APBB2: variants seen among roughly 807,000 people sequenced by gnomAD.
The protein encoded by APBB2 is Fe65-like 1.
APBB2 carries 38 observed loss-of-function variants against 82.5 expected under a neutral mutation model. The ratio of observed to expected loss-of-function variants is 0.46; its 90% CI spans 0.36 to 0.60. The LOEUF is 0.60. Among genes scored for constraint, APBB2 ranks in the 20% least tolerant of loss-of-function variants. The pLI, the probability that APBB2 is intolerant of heterozygous loss-of-function variation, is 0.00. For missense variants in APBB2, 772 were observed against 972.3 expected, an observed-to-expected ratio of 0.79 and a Z score of 2.74; for synonymous variants, 341 against 368.2, an observed-to-expected ratio of 0.93 and a Z score of 0.85.
At chr4:40,883,916 CA>C (rs1391935418) in intron 12 of APBB2, among the ~76,000 whole-genome samples, 14 of 152,144 alleles carry the variant, frequency 9.2e-5, no homozygotes, top group Non-Finnish European at 1.5e-5. Context: ...CTCATGGACC[CA>C]CAAAAACGAG....
intron 10 of APBB2, among the ~76,000 whole-genome samples, chr4:40,893,897 C>G (rs530091303): frequency 6.6e-6 from 1 of 152,016 alleles, no homozygotes; most frequent in Admixed American, 6.6e-5. Context: ...TCGCTTGAAC[C>G]CAGGAGGCGG....
chr4:40,896,210 G>A (rs959551716), intron 10 of APBB2, among the ~76,000 whole-genome samples: 6 of 152,114 alleles, frequency 3.9e-5, no homozygotes, highest in Admixed American at 1.3e-4. Context: ...GATTACAGGT[G>A]TACACCACCG....
chr4:41,200,566 G>A (rs7678120), intron 1 of APBB2, among the ~76,000 whole-genome samples: 29,700 of 152,092 alleles, frequency 0.2, 3,893 homozygotes, highest in African/African-American at 0.37. Flanking sequence ...TATCCTCCGT[G>A]ATTATCCTGA....
At chr4:40,913,508 C>T (rs187154374) in intron 10 of APBB2, among the ~76,000 whole-genome samples, 83 of 152,264 alleles carry the variant, frequency 5.5e-4, no homozygotes, top group African/African-American at 1.9e-3. Flanking sequence ...CACTCCATCC[C>T]CATCATGTGC....
chr4:41,164,155 G>A (rs1765885544), intron 1 of APBB2, among the ~76,000 whole-genome samples: 1 of 152,118 alleles, frequency 6.6e-6, no homozygotes, highest in Non-Finnish European at 1.5e-5. Flanking sequence ...TAGCCTAAAG[G>A]AAATTTTACA....
At chr4:41,016,933 T>TC (rs1810141886) in intron 5 of APBB2, among the ~76,000 whole-genome samples, 1 of 152,144 alleles carries the variant, frequency 6.6e-6, no homozygotes, top group Admixed American at 6.5e-5. Flanking sequence ...TCTTGCTCTG[T>TC]CACCCAGGCT....
intron 1 of APBB2, among the ~76,000 whole-genome samples, chr4:41,202,352 C>T (rs1580805322): frequency 6.6e-6 from 1 of 152,128 alleles, no homozygotes; most frequent in Non-Finnish European, 1.5e-5. Flanking sequence ...TTAGCATATG[C>T]CAGTTCTCTT....
chr4:41,016,681 T>C (rs1322760913), intron 5 of APBB2, among the ~76,000 whole-genome samples: 1 of 151,694 alleles, frequency 6.6e-6, no homozygotes, highest in Non-Finnish European at 1.5e-5. Flanking sequence ...AAAAGACTTC[T>C]AGCCATATTT....
intron 2 of APBB2, among the ~76,000 whole-genome samples, chr4:41,125,913 G>C (rs963819278): frequency 6.6e-6 from 1 of 152,170 alleles, no homozygotes; most frequent in Non-Finnish European, 1.5e-5. Context: ...AAGCTGTCCT[G>C]CCTCAGCAAG....
chr4:41,081,609 C>G (rs1254178333), intron 3 of APBB2, among the ~76,000 whole-genome samples: 1 of 151,896 alleles, frequency 6.6e-6, no homozygotes, highest in East Asian at 1.9e-4. Flanking sequence ...AATTTTTTTT[C>G]CATCTCAACA....
chr4:41,002,391 A>G (rs537592518), intron 6 of APBB2, among the ~76,000 whole-genome samples: 1 of 152,358 alleles, frequency 6.6e-6, no homozygotes, highest in South Asian at 2.1e-4. Flanking sequence ...CAAGGGACTG[A>G]GACTAGGATG....
intron 3 of APBB2, among the ~76,000 whole-genome samples, chr4:41,082,437 GA>G (rs1254833572): frequency 5.3e-5 from 8 of 152,138 alleles, no homozygotes; most frequent in Non-Finnish European, 1.2e-4. Flanking sequence ...TTTCTTGGAG[GA>G]TATATAGCTG....
At chr4:40,830,644 G>A in intron 12 of APBB2, 67 bp from the exon 13 acceptor site, 6 of 924,496 alleles carry the variant, frequency 6.5e-6, no homozygotes, top group Non-Finnish European at 1.1e-5. Flanking sequence ...CTTTAGTTAT[G>A]AAGTTAACTG....
At chr4:41,141,773 G>C (rs1430423904) in intron 2 of APBB2, among the ~76,000 whole-genome samples, 1 of 152,240 alleles carries the variant, frequency 6.6e-6, no homozygotes, top group Non-Finnish European at 1.5e-5. Context: ...AAAAGACAGA[G>C]CTTGCGCAGA....
rs1040421469 is a variant in APBB2 at position 40,832,893 on chromosome 4, C to T, written c.1530-2316G>A. Reference sequence around the variant, plus strand: ...CAAGTGTGGGCCTGTGGCACACATCCCTCCTTCCTGTTGGGAAAGTCGGTC... The same window carrying T: ...CAAGTGTGGGCCTGTGGCACACATCTCTCCTTCCTGTTGGGAAAGTCGGTC... On this transcript the variant is annotated intron_variant, in intron 12 of 17. Coordinates refer to ENST00000508593, the MANE Select transcript of APBB2 (RefSeq NM_004307.2). This position sits in a 1 kb window ranked among gnomAD's most constrained non-coding sequence, Gnocchi z 4.8. 6.6e-6 allele frequency among the ~76,000 whole-genome samples: 1 copy of T among 152,166 alleles called. No homozygotes were observed. The highest frequency in any genetic ancestry group is 1.5e-5 in the Non-Finnish European group (1 of 68,032).
intron 12 of APBB2, among the ~76,000 whole-genome samples, chr4:40,834,799 A>G (rs1560645980): frequency 6.6e-6 from 1 of 152,098 alleles, no homozygotes; most frequent in Non-Finnish European, 1.5e-5. Flanking sequence ...GAGCCCCTGG[A>G]AGAAACACAG....
chr4:41,154,045 C>T (rs1762900754), intron 1 of APBB2, among the ~76,000 whole-genome samples: 2 of 152,118 alleles, frequency 1.3e-5, no homozygotes, highest in Non-Finnish European at 2.9e-5. Context: ...AAAAACAATG[C>T]TCTTTATATA....
At chr4:40,907,498 G>A (rs1777324798) in intron 10 of APBB2, among the ~76,000 whole-genome samples, 3 of 149,706 alleles carry the variant, frequency 2.0e-5, no homozygotes, top group South Asian at 4.2e-4. Flanking sequence ...AGCCTCCCAA[G>A]TAGCTGGGAT....
chr4:40,843,125 G>A (rs1756409939), intron 12 of APBB2, among the ~76,000 whole-genome samples: 1 of 152,156 alleles, frequency 6.6e-6, no homozygotes, highest in South Asian at 2.1e-4. Context: ...TTCCTTTCTG[G>A]CATTGTCACA....
Sources: gnomAD v4.1 joint callset for allele counts (sites outside exome capture counted in the v4.1 genomes callset) on GRCh38, gnomAD v4.1.1 for gene constraint, Gnocchi (gnomAD v3.1) non-coding constraint, MANE v1.5 for transcripts, NCBI Gene and HGNC (gene_info 2026-07-23, HGNC 2026-07-21) for gene names.